The following SFXN5 variants were observed in gnomAD, a reference collection of about 807,000 sequenced individuals.
The protein encoded by SFXN5 is sideroflexin 5.
SFXN5 carries 43 observed loss-of-function variants against 50.2 expected under a neutral mutation model. That is an observed-to-expected ratio of 0.86 (90% CI 0.67 to 1.11). The LOEUF (loss-of-function observed/expected upper bound fraction) is 1.11, where lower values mean the gene tolerates loss of function less well. SFXN5 is among the 50% of genes least tolerant of loss of function. SFXN5 has a pLI of 0.00. For synonymous variants in SFXN5, 203 were observed against 185.8 expected (o/e 1.09, Z -0.75); for missense variants, 463 against 454.1 (o/e 1.02, Z -0.18).
At chr2:73,050,589 CACAG>C (rs1317896932) in intron 2 of SFXN5, among the ~76,000 whole-genome samples, 1 of 152,118 alleles carries the variant, frequency 6.6e-6, no homozygotes, top group Non-Finnish European at 1.5e-5. Context: ...CCTGAAGTCC[CACAG>C]ACACTCTACA....
intron 13 of SFXN5, among the ~76,000 whole-genome samples, chr2:72,955,271 C>T (rs955533339): frequency 4.6e-5 from 5 of 109,886 alleles, no homozygotes; most frequent in African/African-American, 3.6e-4. Context: ...ACGGCTGGCT[C>T]GCTCGCCCGC....
At chr2:73,048,969 G>T (rs1680874962) in intron 2 of SFXN5, 1 of 152,188 alleles carries the variant, frequency 6.6e-6, no homozygotes, top group African/African-American at 2.4e-5. Context: ...TTTGGAAATA[G>T]TATTTATTAA....
At chr2:73,017,354 A>G (rs866721803) in intron 6 of SFXN5, among the ~76,000 whole-genome samples, 1 of 152,228 alleles carries the variant, frequency 6.6e-6, no homozygotes, top group Non-Finnish European at 1.5e-5. Context: ...AATATCAAAA[A>G]AAGTAAATTA....
At chr2:73,059,121 C>A (rs368894230) in intron 1 of SFXN5, 1 of 982,910 alleles carries the variant, frequency 1.0e-6, no homozygotes, top group African/African-American at 1.9e-5. Flanking sequence ...TCACCCACAG[C>A]CCTGTAGCTG....
At chr2:73,025,444 G>T (rs970002078) in intron 3 of SFXN5, among the ~76,000 whole-genome samples, 7 of 152,192 alleles carry the variant, frequency 4.6e-5, no homozygotes, top group Non-Finnish European at 8.8e-5. Flanking sequence ...GCTTAATGAA[G>T]GAATATCATC....
chr2:72,968,167 AC>A (rs369365582), intron 12 of SFXN5, among the ~76,000 whole-genome samples: 130 of 142,602 alleles, frequency 9.1e-4, no homozygotes, highest in Non-Finnish European at 1.5e-3. Context: ...ACACACACAC[AC>A]AACTGCCAGC....
intron 12 of SFXN5, among the ~76,000 whole-genome samples, chr2:72,963,476 A>T (rs557374772): frequency 1.3e-5 from 2 of 151,854 alleles, no homozygotes; most frequent in South Asian, 4.2e-4. Context: ...AGGCTGAAAC[A>T]GGAGCCTCGG....
At position 72,953,402 on chromosome 2, in the gene SFXN5, C is replaced by A. The variant is rs888666936; in HGVS notation, c.945+7729G>T. Among the ~76,000 whole-genome samples the A allele has an allele frequency of 5.9e-5, 9 of 152,150 alleles. No homozygotes were observed. Among genetic ancestry groups the A allele is most frequent in the Non-Finnish European group, 8.8e-5 (6 of 68,034 alleles). On this transcript the variant is annotated intron_variant, in intron 13 of 13. Coordinates refer to ENST00000272433, the MANE Select transcript of SFXN5 (RefSeq NM_144579.3). The surrounding 1 kb of genome is among the most constrained non-coding windows in gnomAD (Gnocchi z 4.1). ...GACTGGAGGGAAGGAGGCCCCTGCTCTGGGAGACGCTGAATGCTGCTGTAG... is the reference window on the plus strand; with the variant it reads ...GACTGGAGGGAAGGAGGCCCCTGCTATGGGAGACGCTGAATGCTGCTGTAG...
intron 11 of SFXN5, among the ~76,000 whole-genome samples, chr2:72,969,932 G>A (rs1674952645): frequency 6.6e-6 from 1 of 152,042 alleles, no homozygotes; most frequent in Non-Finnish European, 1.5e-5. Flanking sequence ...TGGCAATTCT[G>A]AGCTCCGACA....
intron 6 of SFXN5, among the ~76,000 whole-genome samples, chr2:73,009,775 G>A (rs111259183): frequency 8.5e-5 from 13 of 152,322 alleles, no homozygotes; most frequent in African/African-American, 2.6e-4. Flanking sequence ...GCAGGGGAGT[G>A]GATCAGCATC....
intron 2 of SFXN5, among the ~76,000 whole-genome samples, chr2:73,055,343 G>C (rs1681946941): frequency 6.6e-6 from 1 of 152,234 alleles, no homozygotes; most frequent in Non-Finnish European, 1.5e-5. Context: ...TCCATCACTT[G>C]CCAGAACCAT....
At chr2:73,053,286 C>A (rs192173108) in intron 2 of SFXN5, 10 of 154,418 alleles carry the variant, frequency 6.5e-5, no homozygotes, top group Admixed American at 3.3e-4. Context: ...GGAATAACAG[C>A]GCAAATTCAC....
At chr2:73,007,211 C>T (rs983169190) in intron 6 of SFXN5, among the ~76,000 whole-genome samples, 3 of 152,104 alleles carry the variant, frequency 2.0e-5, no homozygotes, top group Non-Finnish European at 4.4e-5. Context: ...CCCTTGGCCA[C>T]CTCCCATACA....
At chr2:73,021,805 C>T (rs1676936607) in intron 5 of SFXN5, among the ~76,000 whole-genome samples, 1 of 152,200 alleles carries the variant, frequency 6.6e-6, no homozygotes, top group Non-Finnish European at 1.5e-5. Flanking sequence ...CGTCAGCACA[C>T]CCATGAGTGT....
At chr2:73,058,876 GA>G (rs967727783) in intron 1 of SFXN5, 2 of 453,016 alleles carry the variant, frequency 4.4e-6, no homozygotes, top group Non-Finnish European at 7.7e-6. Flanking sequence ...AGTGCCCTGA[GA>G]TCTATTCTGA....
At chr2:73,013,825 A>C (rs1182809306) in intron 6 of SFXN5, among the ~76,000 whole-genome samples, 1 of 152,156 alleles carries the variant, frequency 6.6e-6, no homozygotes. Context: ...CTATAAATAC[A>C]AATGAAGCAC....
At chr2:73,063,059 C>T (rs528149311) in intron 1 of SFXN5, among the ~76,000 whole-genome samples, 1 of 152,260 alleles carries the variant, frequency 6.6e-6, no homozygotes, top group African/African-American at 2.4e-5. Flanking sequence ...CAGATGATGC[C>T]TCACTTTCTA....
chr2:72,970,531 G>A (rs1024736096), intron 11 of SFXN5, among the ~76,000 whole-genome samples: 5 of 152,064 alleles, frequency 3.3e-5, no homozygotes, highest in Non-Finnish European at 7.4e-5. Context: ...GCTGGAGCAG[G>A]GATGCATGCT....
intron 13 of SFXN5, among the ~76,000 whole-genome samples, chr2:72,946,646 C>G (rs1000975116): frequency 2.0e-5 from 3 of 152,188 alleles, no homozygotes; most frequent in Non-Finnish European, 4.4e-5. Context: ...GCCCTCTCCC[C>G]TGGCCCCACT....
Sources: allele counts gnomAD v4.1 joint callset (sites outside exome capture counted in the v4.1 genomes callset), GRCh38; gene constraint gnomAD v4.1.1; non-coding constraint Gnocchi (gnomAD v3.1); transcripts MANE v1.5; gene names NCBI Gene and HGNC (gene_info 2026-07-23, HGNC 2026-07-21).